Variants in TMEM117 observed in about 807,000 individuals in gnomAD.
TMEM117 encodes the protein transmembrane protein 117.
A neutral mutation model predicts 52.4 loss-of-function variants in TMEM117; 27 were observed. The ratio of observed to expected loss-of-function variants is 0.51; its 90% CI spans 0.38 to 0.71. TMEM117 has a LOEUF of 0.71. Among genes scored for constraint, TMEM117 ranks in the 30% least tolerant of loss-of-function variants. The probability of loss-of-function intolerance (pLI) is 0.00; values close to 1 mark genes in which losing one functional copy is unlikely to be tolerated. For missense variants in TMEM117, 556 were observed against 630.5 expected, an observed-to-expected ratio of 0.88 and a Z score of 1.26; for synonymous variants, 215 against 206.3, an observed-to-expected ratio of 1.04 and a Z score of -0.36.
At chr12:44,097,623 C>G (rs1051889069) in intron 3 of TMEM117, among the ~76,000 whole-genome samples, 94 of 151,212 alleles carry the variant, frequency 6.2e-4, no homozygotes, top group African/African-American at 2.0e-3. Flanking sequence ...GGACAAAAAA[C>G]CAAACACCGC....
intron 3 of TMEM117, among the ~76,000 whole-genome samples, chr12:44,016,727 G>A (rs1251867355): frequency 6.6e-6 from 1 of 152,140 alleles, no homozygotes; most frequent in Non-Finnish European, 1.5e-5. Context: ...GAGGTCAATG[G>A]TGAACAGAGT....
intron 4 of TMEM117, among the ~76,000 whole-genome samples, chr12:44,158,463 A>C (rs1455397996): frequency 6.6e-6 from 1 of 152,170 alleles, no homozygotes; most frequent in Non-Finnish European, 1.5e-5. Context: ...AAGGCGAGAT[A>C]GTGTCTTATG....
chr12:43,897,503 G>A (rs1713402553), intron 2 of TMEM117, among the ~76,000 whole-genome samples: 1 of 151,714 alleles, frequency 6.6e-6, no homozygotes, highest in South Asian at 2.1e-4. Flanking sequence ...AGTAGAGATG[G>A]GGTTTCACCA....
intron 6 of TMEM117, among the ~76,000 whole-genome samples, chr12:44,336,843 T>G (rs1352060955): frequency 1.3e-5 from 2 of 152,076 alleles, no homozygotes; most frequent in African/African-American, 4.8e-5. Context: ...CTTTTACAAT[T>G]ATTCATTCAA....
At chr12:44,105,378 T>G (rs554862577) in intron 3 of TMEM117, among the ~76,000 whole-genome samples, 1 of 152,200 alleles carries the variant, frequency 6.6e-6, no homozygotes, top group Non-Finnish European at 1.5e-5. Flanking sequence ...GTCTACTTTC[T>G]CTATTAGAAT....
intron 3 of TMEM117, among the ~76,000 whole-genome samples, chr12:44,061,661 G>A (rs866059594): frequency 6.6e-6 from 1 of 152,106 alleles, no homozygotes. Flanking sequence ...ATGATTGCCT[G>A]TAAGGGAGAT....
intron 4 of TMEM117, among the ~76,000 whole-genome samples, chr12:44,182,571 C>T (rs12368395): frequency 2.6e-5 from 4 of 152,208 alleles, no homozygotes; most frequent in Non-Finnish European, 5.9e-5. Flanking sequence ...TAAGAGCTAT[C>T]TGTGACAAAC....
At chr12:44,103,730 T>C (rs1274227389) in intron 3 of TMEM117, among the ~76,000 whole-genome samples, 1 of 152,056 alleles carries the variant, frequency 6.6e-6, no homozygotes, top group Admixed American at 6.6e-5. Flanking sequence ...TGACAAATGT[T>C]AAACTTGTAT....
At chr12:44,175,774 A>G (rs1478600945) in intron 4 of TMEM117, among the ~76,000 whole-genome samples, 1 of 152,210 alleles carries the variant, frequency 6.6e-6, no homozygotes, top group African/African-American at 2.4e-5. Flanking sequence ...TCACAAATCA[A>G]AGGCATGAGA....
intron 4 of TMEM117, among the ~76,000 whole-genome samples, chr12:44,202,523 A>T (rs1949509584): frequency 6.6e-6 from 1 of 152,098 alleles, no homozygotes; most frequent in Non-Finnish European, 1.5e-5. Flanking sequence ...TAGCTTTTTG[A>T]TATTCTGCTG....
chr12:44,376,210 T>A (rs2138849717), intron 6 of TMEM117, among the ~76,000 whole-genome samples: 1 of 152,314 alleles, frequency 6.6e-6, no homozygotes, highest in African/African-American at 2.4e-5. Flanking sequence ...AGGTTCATAC[T>A]TTTTAAAAGT....
chr12:44,157,272 T>C (rs1231409768), intron 4 of TMEM117, among the ~76,000 whole-genome samples: 1 of 152,124 alleles, frequency 6.6e-6, no homozygotes, highest in Admixed American at 6.6e-5. Flanking sequence ...TGCCATTTGC[T>C]CAGGGGGTGG....
chr12:44,143,892 A>G (rs913119478), intron 4 of TMEM117, among the ~76,000 whole-genome samples: 1 of 152,180 alleles, frequency 6.6e-6, no homozygotes, highest in African/African-American at 2.4e-5. Flanking sequence ...CTAAACACAC[A>G]TGTATGTTTG....
At chr12:43,820,581 ATTTT>A in the TMEM117 span, among the ~76,000 whole-genome samples, 8 of 135,144 alleles carry the variant, frequency 5.9e-5, no homozygotes, top group Admixed American at 1.5e-4. Flanking sequence ...CCACAGGCGT[ATTTT>A]TTTTTTTTTT....
intron 3 of TMEM117, among the ~76,000 whole-genome samples, chr12:44,046,647 A>G (rs1202523224): frequency 6.6e-6 from 1 of 152,222 alleles, no homozygotes; most frequent in Non-Finnish European, 1.5e-5. Context: ...GGTAGTCATC[A>G]ATACCAGCTA....
chr12:44,313,869 T>C (rs1400522429), intron 6 of TMEM117, among the ~76,000 whole-genome samples: 13 of 152,158 alleles, frequency 8.5e-5, no homozygotes, highest in Admixed American at 7.9e-4. Context: ...GTGGGTATTG[T>C]AAGTGAGATT....
chr12:44,041,663 A>T (rs1040281440), intron 3 of TMEM117, among the ~76,000 whole-genome samples: 6 of 152,156 alleles, frequency 3.9e-5, no homozygotes, highest in Non-Finnish European at 7.4e-5. Flanking sequence ...ACAGAGACAC[A>T]GTGAAAAAAG....
At chr12:43,843,305 A>G (rs1214250556) in intron 1 of TMEM117, among the ~76,000 whole-genome samples, 2 of 152,174 alleles carry the variant, frequency 1.3e-5, no homozygotes, top group African/African-American at 4.8e-5. Context: ...TTGCTGAAAA[A>G]CAGACATAGT....
the TMEM117 span, among the ~76,000 whole-genome samples, chr12:43,811,237 G>A: frequency 6.6e-6 from 1 of 152,144 alleles, no homozygotes; most frequent in African/African-American, 2.4e-5. Flanking sequence ...TCTTAAGTGG[G>A]GCTAGAGAGT....
Sources: allele counts gnomAD v4.1 joint callset (sites outside exome capture counted in the v4.1 genomes callset), GRCh38; gene constraint gnomAD v4.1.1; transcripts MANE v1.5; gene names NCBI Gene and HGNC (gene_info 2026-07-23, HGNC 2026-07-21).